Variants in ZNF680 observed in about 807,000 individuals in gnomAD.
The protein encoded by ZNF680 is hypothetical protein FLJ90430.
ZNF680 carries 6 observed loss-of-function variants against 12.1 expected under a neutral mutation model. That is an observed-to-expected ratio of 0.49 (90% CI 0.27 to 0.98). ZNF680 has a LOEUF of 0.98. Ranked by LOEUF, ZNF680 falls within the 50% of genes least tolerant of loss-of-function variation. The pLI, the probability that ZNF680 is intolerant of heterozygous loss-of-function variation, is 0.12. For synonymous variants in ZNF680, 170 were observed against 199.3 expected (o/e 0.85, Z 1.24); for missense variants, 561 against 616.3 (o/e 0.91, Z 0.95).
chr7:64,543,431 A>G (rs1279167166), intron 3 of ZNF680, among the ~76,000 whole-genome samples: 3 of 152,232 alleles, frequency 2.0e-5, no homozygotes, highest in Admixed American at 6.5e-5. Flanking sequence ...ATGGAACATC[A>G]GTCAGATTGT....
chr7:64,503,238 AGT>A, the ZNF680 span, among the ~76,000 whole-genome samples: 4 of 150,144 alleles, frequency 2.7e-5, no homozygotes, highest in Admixed American at 1.3e-4. Flanking sequence ...GCCATGACTT[AGT>A]CTCTAATGAG....
chr7:64,553,944 C>T (rs1363656476), intron 1 of ZNF680, among the ~76,000 whole-genome samples: 2 of 152,160 alleles, frequency 1.3e-5, no homozygotes, highest in African/African-American at 2.4e-5. Context: ...ACAACCTCCA[C>T]CTCCCAGCCG....
the ZNF680 span, among the ~76,000 whole-genome samples, chr7:64,505,371 G>C: frequency 2.0e-5 from 3 of 152,182 alleles, no homozygotes; most frequent in Non-Finnish European, 4.4e-5. Flanking sequence ...TCTGTAATTA[G>C]ATGTCAATTA....
chr7:64,555,540 C>G (rs1439311814), intron 1 of ZNF680, among the ~76,000 whole-genome samples: 1 of 151,958 alleles, frequency 6.6e-6, no homozygotes, highest in Non-Finnish European at 1.5e-5. Flanking sequence ...ACTAAAAGCT[C>G]ACATCCAAAA....
chr7:64,509,623 T>G, the ZNF680 span, among the ~76,000 whole-genome samples: 1 of 152,136 alleles, frequency 6.6e-6, no homozygotes, highest in Non-Finnish European at 1.5e-5. Flanking sequence ...CTTGCCCAAA[T>G]CCAACTACTA....
At chr7:64,513,698 T>G in the ZNF680 span, among the ~76,000 whole-genome samples, 1 of 152,070 alleles carries the variant, frequency 6.6e-6, no homozygotes, top group Non-Finnish European at 1.5e-5. Flanking sequence ...CAGGCTGGAG[T>G]GCAGTGGCGT....
chr7:64,519,476 C>T (rs898429249), downstream of ZNF680, among the ~76,000 whole-genome samples: 7 of 151,642 alleles, frequency 4.6e-5, no homozygotes, highest in African/African-American at 1.7e-4. Context: ...CTAGCAATCC[C>T]ACTACTGGGT....
Position 64,522,429 on chromosome 7 carries a change from G to A in ZNF680, c.325C>T (p.Leu109=), listed in dbSNP as rs140552731. The A allele has an allele frequency of 1.9e-6, 3 of 1,602,998 alleles. No individual in the cohort carries two copies. The highest frequency in any genetic ancestry group is 1.7e-6 in the Non-Finnish European group (2 of 1,175,970). ...SIKDSFQKVI[L]RGYGKCGHEN... ...TGTCCACATTTTCCATATCCTCTCA[G>A]TATCACTTTTTGAAAAGAATCTTTT... Residue 109 remains leucine (L), a synonymous_variant, in exon 4 of 4, where the codon CTG becomes TTG. Coordinates refer to ENST00000309683, the MANE Select transcript of ZNF680 (RefSeq NM_178558.5).
intron 1 of ZNF680, among the ~76,000 whole-genome samples, chr7:64,562,004 G>A (rs1218655120): frequency 1.3e-5 from 2 of 150,032 alleles, no homozygotes; most frequent in Non-Finnish European, 3.0e-5. Flanking sequence ...AGAGGCCGAG[G>A]CGGGCAGATC....
intron 1 of ZNF680, among the ~76,000 whole-genome samples, chr7:64,553,613 C>T (rs1211987274): frequency 6.6e-6 from 1 of 152,244 alleles, no homozygotes; most frequent in Non-Finnish European, 1.5e-5. Context: ...CCCTCTCCCT[C>T]TCCTGTCTCC....
chr7:64,517,494 T>C (rs1239308449), downstream of ZNF680, among the ~76,000 whole-genome samples: 1 of 152,044 alleles, frequency 6.6e-6, no homozygotes, highest in Non-Finnish European at 1.5e-5. Flanking sequence ...CCAGACAGAC[T>C]CACAGCAGAA....
At chr7:64,546,163 G>A (rs1383446193) in intron 1 of ZNF680, among the ~76,000 whole-genome samples, 2 of 152,202 alleles carry the variant, frequency 1.3e-5, no homozygotes, top group Non-Finnish European at 2.9e-5. Flanking sequence ...GGCATTCCAG[G>A]AGGAAGAGTG....
At chr7:64,547,891 T>C (rs1786867386) in intron 1 of ZNF680, among the ~76,000 whole-genome samples, 1 of 152,144 alleles carries the variant, frequency 6.6e-6, no homozygotes. Context: ...TTTCAAAGAA[T>C]TATGGGCACC....
chr7:64,521,409 G>A lies in ZNF680; in HGVS notation c.1345C>T (p.Leu449Phe). The A allele has an allele frequency of 6.2e-7, 1 of 1,613,556 alleles. No individual in the cohort carries two copies. The highest frequency in any genetic ancestry group is 8.5e-7 in the Non-Finnish European group (1 of 1,179,674). ...GTATGAATTACTTTATGGTTAGTAA[G>A]GGTTGAAAATAAAGTAAAGCCTTTG... ...CGKGFTLFST[L>F]TNHKVIHTGE... The change falls in exon 4 of 4, where the codon CTT becomes TTT. Residue 449 changes from leucine to phenylalanine, a missense_variant. Coordinates refer to ENST00000309683, the MANE Select transcript of ZNF680 (RefSeq NM_178558.5).
intron 3 of ZNF680, chr7:64,526,388 T>C: frequency 7.0e-7 from 1 of 1,435,806 alleles, no homozygotes; most frequent in South Asian, 1.6e-5. Context: ...AGCACAGTTC[T>C]ACATGAAGGG....
chr7:64,544,137 G>T, intron 2 of ZNF680, 169 bp downstream of exon 2: 2 of 955,724 alleles, frequency 2.1e-6, no homozygotes, highest in East Asian at 3.1e-5. Flanking sequence ...AGGTCAAGAT[G>T]AAACGTACTG....
chr7:64,527,411 A>T (rs1163682820), intron 3 of ZNF680, among the ~76,000 whole-genome samples: 2 of 152,096 alleles, frequency 1.3e-5, no homozygotes, highest in Non-Finnish European at 1.5e-5. Context: ...TAATAAAAAA[A>T]GGTGCTGGGC....
In ZNF680 at chr7:64,530,335, T is replaced by C. The variant is rs1016218258; in HGVS notation, c.254-7835A>G. Reference sequence around the variant, plus strand: ...GGTATCTCACATCTAAATACTAACATTGAATGTAAGTGGCCTAAATCTGCC... The same window carrying C: ...GGTATCTCACATCTAAATACTAACACTGAATGTAAGTGGCCTAAATCTGCC... On this transcript the variant is annotated intron_variant, in intron 3 of 3. Coordinates refer to ENST00000309683, the MANE Select transcript of ZNF680 (RefSeq NM_178558.5). Among the ~76,000 whole-genome samples the C allele has an allele frequency of 3.9e-5, 6 of 152,196 alleles. No individual in the cohort carries two copies. The South Asian group carries it at 1.0e-3, about 26-fold the overall frequency.
the ZNF680 span, among the ~76,000 whole-genome samples, chr7:64,505,480 A>C: frequency 2.0e-5 from 3 of 152,242 alleles, no homozygotes; most frequent in African/African-American, 7.2e-5. Context: ...AGGAGGGTAC[A>C]CACTAGTCTC....
Sources: gnomAD v4.1 joint callset for allele counts (sites outside exome capture counted in the v4.1 genomes callset) on GRCh38, gnomAD v4.1.1 for gene constraint, MANE v1.5 for transcripts, NCBI Gene and HGNC (gene_info 2026-07-23, HGNC 2026-07-21) for gene names.